The following ITGA11 variants were observed in gnomAD, a reference collection of about 807,000 sequenced individuals.
ITGA11 encodes integrin alpha-11.
A neutral mutation model predicts 141.9 loss-of-function variants in ITGA11; 97 were observed. That is an observed-to-expected ratio of 0.68 (90% CI 0.58 to 0.81). ITGA11 has a LOEUF of 0.81. ITGA11 is among the 30% of genes least tolerant of loss of function. The probability of loss-of-function intolerance (pLI) is 0.00; values close to 1 mark genes in which losing one functional copy is unlikely to be tolerated. For missense variants in ITGA11, 1,387 were observed against 1,559.2 expected, an observed-to-expected ratio of 0.89 and a Z score of 1.86; for synonymous variants, 658 against 624.6, an observed-to-expected ratio of 1.05 and a Z score of -0.80.
intron 10 of ITGA11, among the ~76,000 whole-genome samples, chr15:68,342,215 G>T (rs1241608650): frequency 6.6e-6 from 1 of 152,218 alleles, no homozygotes; most frequent in Non-Finnish European, 1.5e-5. Context: ...GGCCCAGCTG[G>T]CAAACAAACA....
intron 7 of ITGA11, among the ~76,000 whole-genome samples, chr15:68,356,011 A>G (rs1895059915): frequency 6.6e-6 from 1 of 152,202 alleles, no homozygotes; most frequent in Non-Finnish European, 1.5e-5. Flanking sequence ...GAGCAACAAC[A>G]TTACTGGAAT....
chr15:68,315,174 C>A (rs112413198), intron 22 of ITGA11, among the ~76,000 whole-genome samples: 384 of 152,222 alleles, frequency 2.5e-3, no homozygotes, highest in African/African-American at 9.0e-3. Context: ...GGGAATAGGA[C>A]GAGTAGTGTT....
intron 2 of ITGA11, among the ~76,000 whole-genome samples, chr15:68,375,386 T>C (rs1266477827): frequency 2.0e-5 from 3 of 152,164 alleles, no homozygotes; most frequent in African/African-American, 4.8e-5. Flanking sequence ...CCATGGAAAA[T>C]GGAATCTCCT....
chr15:68,404,925 T>A (rs1268744722), intron 1 of ITGA11, among the ~76,000 whole-genome samples: 3 of 152,192 alleles, frequency 2.0e-5, no homozygotes, highest in African/African-American at 7.2e-5. Context: ...TCATTCGATC[T>A]CCATGACAAG....
chr15:68,380,967 A>T (rs1232604913), intron 2 of ITGA11, among the ~76,000 whole-genome samples: 1 of 152,206 alleles, frequency 6.6e-6, no homozygotes, highest in Non-Finnish European at 1.5e-5. Flanking sequence ...TCACCCAGTC[A>T]GGTTGCCCCT....
intron 2 of ITGA11, among the ~76,000 whole-genome samples, chr15:68,380,247 G>T (rs1055865757): frequency 1.3e-5 from 2 of 152,134 alleles, no homozygotes; most frequent in Admixed American, 1.3e-4. Context: ...TGAAAGGACA[G>T]ATACTCTTTT....
Position 68,335,787 on chromosome 15 carries a change from G to T in ITGA11, c.1335C>A (p.Ala445=). The T allele has an allele frequency of 6.2e-7, 1 of 1,613,584 alleles. No homozygotes were observed. The highest frequency in any genetic ancestry group is 8.5e-7 in the Non-Finnish European group (1 of 1,179,702). Residue 445 remains alanine (A), a synonymous_variant, in exon 12 of 30, where the codon GCC becomes GCA. Transcript: ENST00000315757. The surrounding 1 kb of genome is among the most constrained non-coding windows in gnomAD (Gnocchi z 4.9). The stretch of plus-strand genomic sequence containing the variant: ...CCTTGCCCGTGTGGTTGAACCGGGG[G>T]GCTCCGGCCACGTACACCCGCCCCT... ...SRQGRVYVAG[A]PRFNHTGKVI... is the part of the protein sequence containing the mutation.
chr15:68,370,574 C>G (rs575906073), intron 2 of ITGA11, among the ~76,000 whole-genome samples: 2 of 152,310 alleles, frequency 1.3e-5, no homozygotes, highest in East Asian at 3.9e-4. Context: ...CCTTGGGTGC[C>G]GGTCTGGCTC....
intron 7 of ITGA11, among the ~76,000 whole-genome samples, chr15:68,352,212 A>G (rs1034948790): frequency 6.8e-6 from 1 of 148,132 alleles, no homozygotes; most frequent in African/African-American, 2.5e-5. Context: ...TTTTTAATTG[A>G]GACAGAGTCT....
Position 68,303,105 on chromosome 15 carries a change from C to G in ITGA11, c.3521G>C (p.Arg1174Pro), listed in dbSNP as rs373594351. 27 of 1,551,160 alleles carry G rather than the reference C, an allele frequency of 1.7e-5. No individual in the cohort carries two copies. In the African/African-American group the frequency reaches 3.4e-4, roughly 20 times the overall value. The stretch of plus-strand genomic sequence containing the variant: ...GGGGTCCAGACCAGGCTCCCTCCTG[C>G]GCCTGGCACTTCTAAAGAAGCCGAG... Reference protein sequence around the residue: ...WKLGFFRSARRRREPGLDPTP... With the variant: ...WKLGFFRSARPRREPGLDPTP... The change falls in exon 30 of 30, where the codon CGC becomes CCC. Residue 1174 changes from arginine to proline, a missense_variant. Arg to Pro is a moderately radical substitution (Grantham distance 103). Transcript: ENST00000315757. The surrounding 1 kb of genome is among the most constrained non-coding windows in gnomAD (Gnocchi z 5.3).
intron 2 of ITGA11, among the ~76,000 whole-genome samples, chr15:68,397,969 C>A (rs1423753409): frequency 6.7e-6 from 1 of 149,222 alleles, no homozygotes; most frequent in Non-Finnish European, 1.5e-5. Context: ...ATTTTGTCAC[C>A]ACCAGGCCTG....
chr15:68,354,727 C>T (rs1895018094), intron 7 of ITGA11, among the ~76,000 whole-genome samples: 1 of 152,202 alleles, frequency 6.6e-6, no homozygotes, highest in Admixed American at 6.5e-5. Flanking sequence ...GCCCCTCCCT[C>T]TCTCATCCTC....
chr15:68,365,416 G>GA (rs1895387354), intron 3 of ITGA11: 1 of 794,340 alleles, frequency 1.3e-6, no homozygotes, highest in Non-Finnish European at 1.5e-6. Context: ...AGCCTGCTGG[G>GA]AATAGGGAGA....
chr15:68,332,187 T>A (rs915601208), intron 13 of ITGA11, 125 bp from the exon 14 acceptor site: 11 of 1,238,200 alleles, frequency 8.9e-6, no homozygotes, highest in Non-Finnish European at 1.2e-5. Flanking sequence ...CGTCTCTGGC[T>A]ATATGAACCC....
chr15:68,356,995 C>T (rs79694427), intron 7 of ITGA11, 156 bp downstream of exon 7: 113 of 690,800 alleles, frequency 1.6e-4, no homozygotes, highest in Middle Eastern at 7.9e-4. Flanking sequence ...AAGAGAAAAC[C>T]GACCAGCTGA....
intron 2 of ITGA11, among the ~76,000 whole-genome samples, chr15:68,393,503 T>A (rs150049247): frequency 3.5e-4 from 53 of 152,152 alleles, no homozygotes; most frequent in African/African-American, 1.2e-3. Flanking sequence ...TTCAAAAGAA[T>A]GATAAAACTG....
At chr15:68,418,635 G>A (rs1254182434) in intron 1 of ITGA11, among the ~76,000 whole-genome samples, 1 of 129,314 alleles carries the variant, frequency 7.7e-6, no homozygotes, top group Non-Finnish European at 1.5e-5. Flanking sequence ...CATTGTAGTT[G>A]ATGTAAATCA....
chr15:68,409,862 C>T (rs1312370063), intron 1 of ITGA11, among the ~76,000 whole-genome samples: 1 of 152,224 alleles, frequency 6.6e-6, no homozygotes, highest in Non-Finnish European at 1.5e-5. Context: ...GCCAGGATGA[C>T]TTTGAGGCCT....
chr15:68,313,182 C>T (rs1304508228), intron 23 of ITGA11, among the ~76,000 whole-genome samples: 5 of 152,154 alleles, frequency 3.3e-5, no homozygotes, highest in Non-Finnish European at 5.9e-5. Context: ...GTGCTCCCTT[C>T]CACCCTCTAG....
Sources: gnomAD v4.1 joint callset for allele counts (sites outside exome capture counted in the v4.1 genomes callset) on GRCh38, gnomAD v4.1.1 for gene constraint, Gnocchi (gnomAD v3.1) non-coding constraint, MANE v1.5 for transcripts, NCBI Gene and HGNC (gene_info 2026-07-23, HGNC 2026-07-21) for gene names.